The following METTL8 variants were observed in gnomAD, a reference collection of about 807,000 sequenced individuals.
The protein encoded by METTL8 is methyltransferase 8, tRNA N3-cytidine, also known as tRNA N(3)-cytidine methyltransferase METTL8, mitochondrial.
A neutral mutation model predicts 48.7 loss-of-function variants in METTL8; 32 were observed. The ratio of observed to expected loss-of-function variants is 0.66; its 90% CI spans 0.50 to 0.88. METTL8 has a LOEUF of 0.88. METTL8 is among the 40% of genes least tolerant of loss of function. The pLI is 0.00. For missense variants in METTL8, 464 were observed against 474.4 expected (o/e 0.98, Z 0.20); for synonymous variants, 136 against 157.1 (o/e 0.87, Z 1.01).
chr2:171,396,785 A>G (rs946692116), intron 1 of METTL8, among the ~76,000 whole-genome samples: 1 of 152,156 alleles, frequency 6.6e-6, no homozygotes, highest in Non-Finnish European at 1.5e-5. Flanking sequence ...ATAGAGAGAA[A>G]TTTATAGTTT....
At position 171,329,088 on chromosome 2, in the gene METTL8, C is replaced by T. The variant is rs908642574; in HGVS notation, c.860+1471G>A. Among the ~76,000 whole-genome samples the T allele has an allele frequency of 1.8e-4, 27 of 151,928 alleles. 1 individual carries two copies. Among genetic ancestry groups the T allele is most frequent in the African/African-American group, 5.6e-4 (23 of 41,342 alleles). On this transcript the variant is annotated intron_variant, in intron 7 of 9. Transcript: ENST00000375258. ...GCAACCTCTGCCTCCTGAGTTCAAA[C>T]GACTCTCCTGCCTCAGCCTCCCAAG...
At chr2:171,421,518 A>G (rs1482742789) in intron 1 of METTL8, among the ~76,000 whole-genome samples, 1 of 152,126 alleles carries the variant, frequency 6.6e-6, no homozygotes, top group Non-Finnish European at 1.5e-5. Context: ...CAATGACCAA[A>G]AATATGATAC....
chr2:171,345,493 A>G (rs1018048510), intron 3 of METTL8, among the ~76,000 whole-genome samples: 12 of 152,360 alleles, frequency 7.9e-5, no homozygotes, highest in African/African-American at 2.6e-4. Flanking sequence ...ACTCTTAAAA[A>G]CTATGAAATT....
chr2:171,434,747 G>A (rs967431707), upstream of METTL8: 5 of 1,391,602 alleles, frequency 3.6e-6, no homozygotes, highest in Non-Finnish European at 4.6e-6. Flanking sequence ...CCGCGGGCGC[G>A]CGGCGGCCGA....
chr2:171,392,845 C>A (rs1688699275), intron 1 of METTL8, among the ~76,000 whole-genome samples: 1 of 151,796 alleles, frequency 6.6e-6, no homozygotes, highest in Non-Finnish European at 1.5e-5. Context: ...GCCTGTAATC[C>A]CAGCACTTTG....
intron 3 of METTL8, among the ~76,000 whole-genome samples, chr2:171,345,935 G>A (rs752330870): frequency 6.6e-6 from 1 of 152,038 alleles, no homozygotes; most frequent in Non-Finnish European, 1.5e-5. Flanking sequence ...TAGTAAAATT[G>A]AAAATAAATT....
At chr2:171,361,252 GCTT>G (rs796381995) in intron 2 of METTL8, among the ~76,000 whole-genome samples, 2 of 123,850 alleles carry the variant, frequency 1.6e-5, no homozygotes, top group East Asian at 4.6e-4. Flanking sequence ...CACAAAGTTT[GCTT>G]TTTTTTTTTT....
chr2:171,359,332 T>C (rs1684919258), intron 3 of METTL8, among the ~76,000 whole-genome samples: 1 of 151,998 alleles, frequency 6.6e-6, no homozygotes, highest in Non-Finnish European at 1.5e-5. Context: ...TCACCTAACA[T>C]AGCGTATATC....
chr2:171,415,934 G>A (rs16859380), intron 1 of METTL8, among the ~76,000 whole-genome samples: 4,766 of 152,256 alleles, frequency 0.031, 84 homozygotes, highest in East Asian at 0.05. Context: ...TTAAGGTGGA[G>A]CAAAGAACCA....
chr2:171,417,524 G>C, intron 1 of METTL8, among the ~76,000 whole-genome samples: 1 of 152,144 alleles, frequency 6.6e-6, no homozygotes, highest in Non-Finnish European at 1.5e-5. Context: ...AACAGATAAA[G>C]AAATTGAAGC....
rs148328562 is a variant in METTL8, at chr2:171,388,389, ACCC to A, written c.143+3651_143+3653del. On this transcript the variant is annotated intron_variant, in intron 2 of 9. Coordinates refer to ENST00000375258, the MANE Select transcript of METTL8 (RefSeq NM_001321154.2). Reference sequence around the variant, plus strand: ...TCAGGACCATGCACATCTTAAACCTACCCCCCATCTGGCCTATGTCATTCCAAC... The same window carrying A: ...TCAGGACCATGCACATCTTAAACCTACCCATCTGGCCTATGTCATTCCAAC... Among the ~76,000 whole-genome samples, 213 of 151,786 alleles carry A rather than the reference ACCC, an allele frequency of 1.4e-3. 4 individuals are homozygous for A. The East Asian group carries it at 0.015, about 11-fold the overall frequency.
At chr2:171,405,500 A>G (rs1013024554) in intron 1 of METTL8, among the ~76,000 whole-genome samples, 1 of 152,202 alleles carries the variant, frequency 6.6e-6, no homozygotes, top group Non-Finnish European at 1.5e-5. Flanking sequence ...TTTAATCAAT[A>G]TATAAGTCAC....
chr2:171,357,726 G>A (rs372728732), intron 3 of METTL8, among the ~76,000 whole-genome samples: 33 of 150,464 alleles, frequency 2.2e-4, no homozygotes, highest in East Asian at 1.2e-3. Context: ...ACAGGTTCTC[G>A]CTCTGTCACC....
chr2:171,389,314 G>C (rs1688362376), intron 2 of METTL8, among the ~76,000 whole-genome samples: 1 of 151,996 alleles, frequency 6.6e-6, no homozygotes. Context: ...GAGCTCAGGA[G>C]TTCAAGGCCA....
intron 1 of METTL8, among the ~76,000 whole-genome samples, chr2:171,406,560 T>C (rs1690198787): frequency 6.6e-6 from 1 of 152,184 alleles, no homozygotes. Flanking sequence ...AGATATCTTC[T>C]CCTCTTTTTA....
In METTL8 at chr2:171,323,548, T is replaced by C. The variant is rs995187236; in HGVS notation, c.*624A>G. ...TGCACCTGGCCTAACAACTTGTATATCTAAGAATAGCCTGAAAATAATGTC... is the reference window on the plus strand; with the variant it reads ...TGCACCTGGCCTAACAACTTGTATACCTAAGAATAGCCTGAAAATAATGTC... On this transcript the variant is annotated 3_prime_UTR_variant, in exon 10 of 10. Transcript: ENST00000375258. The C allele has an allele frequency of 1.3e-5, 2 of 152,082 alleles. No homozygotes were observed. The highest frequency in any genetic ancestry group is 4.8e-5 in the African/African-American group (2 of 41,412). 9.4% of individuals were successfully genotyped at this position (152,082 alleles called of 1,614,324 possible).
At chr2:171,399,514 T>C (rs1689437140) in intron 1 of METTL8, among the ~76,000 whole-genome samples, 1 of 152,068 alleles carries the variant, frequency 6.6e-6, no homozygotes, top group Non-Finnish European at 1.5e-5. Flanking sequence ...ACCACCACAA[T>C]GAGCATAGTG....
intron 2 of METTL8, among the ~76,000 whole-genome samples, chr2:171,368,693 TA>T (rs1244000432): frequency 6.6e-6 from 1 of 152,008 alleles, no homozygotes; most frequent in African/African-American, 2.4e-5. Flanking sequence ...AAATCATGCC[TA>T]GGTAAAGGAT....
chr2:171,434,313 G>A, upstream of METTL8: 1 of 636,006 alleles, frequency 1.6e-6, no homozygotes, highest in Non-Finnish European at 2.9e-6. Flanking sequence ...CCGGAGCGTC[G>A]CACTGTCAGC....
Sources: allele counts gnomAD v4.1 joint callset (sites outside exome capture counted in the v4.1 genomes callset), GRCh38; gene constraint gnomAD v4.1.1; transcripts MANE v1.5; gene names NCBI Gene and HGNC (gene_info 2026-07-23, HGNC 2026-07-21).